PCDHGA6: variants seen among roughly 807,000 people sequenced by gnomAD.
The protein encoded by PCDHGA6 is protocadherin gamma subfamily A, 6.
Under a neutral mutation model 60.6 loss-of-function variants are expected in PCDHGA6, and 41 were observed. The observed-to-expected ratio is 0.68, with a 90% CI of 0.53 to 0.88. The LOEUF is 0.88. PCDHGA6 is among the 40% of genes least tolerant of loss of function. The probability of loss-of-function intolerance (pLI) is 0.00; values close to 1 mark genes in which losing one functional copy is unlikely to be tolerated. For missense variants in PCDHGA6, 1,312 were observed against 1,203.0 expected (o/e 1.09, Z -1.34); for synonymous variants, 594 against 524.4 (o/e 1.13, Z -1.81).
At chr5:141,404,620 T>C in intron 1 of PCDHGA6, 2 of 1,614,162 alleles carry the variant, frequency 1.2e-6, no homozygotes, top group Non-Finnish European at 1.7e-6. Context: ...TGGACCAGAA[T>C]GACAATGCCC....
At chr5:141,398,633 A>C (rs749131705) in intron 1 of PCDHGA6, 4 of 1,613,946 alleles carry the variant, frequency 2.5e-6, no homozygotes, top group Non-Finnish European at 3.4e-6. Flanking sequence ...TCTCTGCAGA[A>C]GTATAAACTC....
chr5:141,431,190 A>G lies in PCDHGA6; in HGVS notation c.2424+54683A>G, dbSNP rs1363655439. 1 of 1,614,228 alleles carries G rather than the reference A, an allele frequency of 6.2e-7. No homozygotes were observed. Among genetic ancestry groups the G allele is most frequent in the Non-Finnish European group, 8.5e-7 (1 of 1,180,038 alleles). ...AGTGAATTAGAAATAAAAATTAGTGAAAATGCAGCCACTGAGATGCGGTTC... is the reference window on the plus strand; with the variant it reads ...AGTGAATTAGAAATAAAAATTAGTGGAAATGCAGCCACTGAGATGCGGTTC... On this transcript the variant is annotated intron_variant, in intron 1 of 3. Transcript: ENST00000517434. This position sits in a 1 kb window ranked among gnomAD's most constrained non-coding sequence, Gnocchi z 4.8.
At chr5:141,393,976 A>G in intron 1 of PCDHGA6, 1 of 1,613,856 alleles carries the variant, frequency 6.2e-7, no homozygotes, top group Non-Finnish European at 8.5e-7. Flanking sequence ...TACACACGTG[A>G]TAATTTACCT....
chr5:141,382,577 A>T (rs533715089), intron 1 of PCDHGA6, among the ~76,000 whole-genome samples: 47 of 152,338 alleles, frequency 3.1e-4, no homozygotes, highest in Middle Eastern at 6.8e-3. Flanking sequence ...TCTAACAGGG[A>T]AATTTTGAAA....
chr5:141,497,110 C>T (rs964183820), intron 2 of PCDHGA6, among the ~76,000 whole-genome samples: 2 of 151,738 alleles, frequency 1.3e-5, no homozygotes, highest in African/African-American at 2.4e-5. Context: ...TGCTTGAACC[C>T]GGAAGGCAGA....
Position 141,494,872 on chromosome 5 carries a change from G to A in PCDHGA6, c.2483+7G>A. On this transcript the variant is annotated splice_region_variant and intron_variant, in intron 2 of 3. Transcript: ENST00000517434. ...AGAGACCCGGCACCAGCGGGTAGGT[G>A]ACTGATTCTCCAGCCCACCCTCTTC... 1 of 1,614,128 alleles carries A rather than the reference G, an allele frequency of 6.2e-7. No individual in the cohort carries two copies. Among genetic ancestry groups the A allele is most frequent in the South Asian group, 1.1e-5 (1 of 91,074 alleles).
chr5:141,399,937 G>A lies in PCDHGA6; in HGVS notation c.2424+23430G>A. 1.9e-6 allele frequency: 3 copies of A among 1,612,360 alleles called. No individual in the cohort carries two copies. The highest frequency in any genetic ancestry group is 2.5e-6 in the Non-Finnish European group (3 of 1,179,744). ...ACACAACGCCTGGCTGTCCTACCAC[G>A]TGCTGCAGGCTAGCGAGCCCGGGCT... On this transcript the variant is annotated intron_variant, in intron 1 of 3. Transcript: ENST00000517434.
At chr5:141,456,647 C>G (rs773458307) in intron 1 of PCDHGA6, among the ~76,000 whole-genome samples, 2 of 152,152 alleles carry the variant, frequency 1.3e-5, no homozygotes, top group African/African-American at 4.8e-5. Context: ...AGGTGTTAAT[C>G]CCAAAGAAGC....
chr5:141,502,578 T>C (rs2099815145), intron 2 of PCDHGA6, among the ~76,000 whole-genome samples: 1 of 152,198 alleles, frequency 6.6e-6, no homozygotes, highest in African/African-American at 2.4e-5. Context: ...TATAAAAATA[T>C]ATTTTTATAA....
chr5:141,415,761 T>G (rs1047830043), intron 1 of PCDHGA6: 49 of 1,399,492 alleles, frequency 3.5e-5, no homozygotes, highest in Admixed American at 1.6e-4. Context: ...TTTTTTTTTT[T>G]TTTTTTTTTT....
intron 1 of PCDHGA6, among the ~76,000 whole-genome samples, chr5:141,444,726 G>C (rs1296177763): frequency 6.6e-6 from 1 of 152,048 alleles, no homozygotes; most frequent in African/African-American, 2.4e-5. Flanking sequence ...TGGTGCCTTT[G>C]TTGAAAGTCA....
chr5:141,388,522 C>G, intron 1 of PCDHGA6: 1 of 1,613,868 alleles, frequency 6.2e-7, no homozygotes, highest in East Asian at 2.2e-5. Flanking sequence ...TTGACTTTGA[C>G]TGCCTTGGAC....
chr5:141,420,494 C>A (rs978136090), intron 1 of PCDHGA6: 1 of 499,510 alleles, frequency 2.0e-6, no homozygotes, highest in Non-Finnish European at 3.1e-6. Context: ...GGGTAATCTC[C>A]GGTGACATTT....
chr5:141,487,813 TG>T lies in PCDHGA6; in HGVS notation c.2425-6989del. 7.2e-7 allele frequency: 1 copy of T among 1,384,138 alleles called. No homozygotes were observed. 85.7% of individuals were successfully genotyped at this position (1,384,138 alleles called of 1,614,324 possible). A position where few individuals can be genotyped will look rare whatever the true frequency, so the allele number is the denominator to read the frequency against. On this transcript the variant is annotated intron_variant, in intron 1 of 3. Transcript: ENST00000517434. This position sits in a 1 kb window ranked among gnomAD's most constrained non-coding sequence, Gnocchi z 5.0. Reference sequence around the variant, plus strand: ...AACCAGAGTTGTCACAGTTTAGCATTGGGGGCGGGTCATGCCTATATCTGAG... The same window carrying T: ...AACCAGAGTTGTCACAGTTTAGCATTGGGGCGGGTCATGCCTATATCTGAG...
chr5:141,374,607 A>C lies in PCDHGA6; in HGVS notation c.524A>C (p.Asn175Thr). The change falls in exon 1 of 4, where the codon AAT becomes ACT. Residue 175 changes from asparagine to threonine, a missense_variant. By Grantham distance (65) the Asn-to-Thr change is moderately conservative. Transcript: ENST00000517434. ...NSLQGFKLSG[N>T]SHFSVDVQSE... ...CTTCAGGGATTTAAGCTCAGTGGTA[A>C]TAGTCACTTCTCAGTGGACGTGCAA... 1 of 1,613,660 alleles carries C rather than the reference A, an allele frequency of 6.2e-7. No individual in the cohort carries two copies. Among genetic ancestry groups the C allele is most frequent in the Non-Finnish European group, 8.5e-7 (1 of 1,179,752 alleles).
intron 1 of PCDHGA6, chr5:141,441,809 C>A: frequency 2.7e-6 from 1 of 373,176 alleles, no homozygotes; most frequent in East Asian, 9.0e-5. Context: ...GGGTGCTGTA[C>A]CCCAGCTCTG....
Position 141,409,934 on chromosome 5 carries a change from G to A in PCDHGA6, c.2424+33427G>A. The A allele has an allele frequency of 1.9e-6, 3 of 1,613,362 alleles. No individual in the cohort carries two copies. Among genetic ancestry groups the A allele is most frequent in the South Asian group, 2.2e-5 (2 of 91,074 alleles). On this transcript the variant is annotated intron_variant, in intron 1 of 3. Transcript: ENST00000517434. ...TGACGGCTCCGCGTTCTTCGATATG[G>A]TACCTCGCTCTGCAGAGCCCGGCTA...
chr5:141,471,564 T>C (rs1352708320), intron 1 of PCDHGA6: 1 of 152,184 alleles, frequency 6.6e-6, no homozygotes, highest in African/African-American at 2.4e-5. Context: ...GACTCAGGGG[T>C]AGCAGTAGAT....
intron 1 of PCDHGA6, chr5:141,428,212 C>A (rs1295973505): frequency 8.0e-7 from 1 of 1,255,000 alleles, no homozygotes; most frequent in Non-Finnish European, 1.1e-6. Context: ...TACGCTTCAC[C>A]TAGTCTTCGC....
Sources: gnomAD v4.1 joint callset for allele counts (sites outside exome capture counted in the v4.1 genomes callset) on GRCh38, gnomAD v4.1.1 for gene constraint, Gnocchi (gnomAD v3.1) non-coding constraint, MANE v1.5 for transcripts, NCBI Gene and HGNC (gene_info 2026-07-23, HGNC 2026-07-21) for gene names.